Variants in DST observed in about 807,000 individuals in gnomAD.
DST encodes dystonin, also known as bullous pemphigoid antigen.
DST carries 253 observed loss-of-function variants against 875.2 expected under a neutral mutation model. The ratio of observed to expected loss-of-function variants is 0.29; its 90% CI spans 0.26 to 0.32. The LOEUF is 0.32. Ranked by LOEUF, DST falls within the 10% of genes least tolerant of loss-of-function variation. The pLI is 1.00. For missense variants in DST, 8,287 were observed against 9,111.6 expected (o/e 0.91, Z 3.68); for synonymous variants, 3,124 against 3,197.1 (o/e 0.98, Z 0.77).
intron 4 of DST, among the ~76,000 whole-genome samples, chr6:56,826,911 C>G (rs1008928787): frequency 3.3e-5 from 5 of 152,184 alleles, no homozygotes; most frequent in Non-Finnish European, 7.4e-5. Context: ...AAAAGCAGTG[C>G]ACGAGAGCAC....
Position 56,493,059 on chromosome 6 carries a change from T to C in DST, c.20425A>G (p.Met6809Val), listed in dbSNP as rs748600276. The C allele has an allele frequency of 5.6e-6, 9 of 1,612,170 alleles. No homozygotes were observed. Among genetic ancestry groups the C allele is most frequent in the East Asian group, 2.2e-5 (1 of 44,848 alleles). The change falls in exon 84 of 104, where the codon ATG (methionine) becomes GTG (valine). Residue 6809 changes from methionine (M) to valine (V), a missense_variant. Met to Val is a conservative substitution (Grantham distance 21). Transcript: ENST00000680361. The stretch of plus-strand genomic sequence containing the variant: ...TCTTGGAGAGAATTGTGGAACTCCA[T>C]TGCCAAGTTGAGAGCCTCTTCCAGT... ...TKLEEALNLA[M>V]EFHNSLQDFI...
intron 4 of DST, among the ~76,000 whole-genome samples, chr6:56,828,849 AC>A (rs1270032393): frequency 2.0e-5 from 3 of 152,188 alleles, no homozygotes; most frequent in Admixed American, 1.3e-4. Context: ...ATAGTTCTGT[AC>A]CCTATATTAT....
chr6:56,807,161 C>G (rs918700428), intron 4 of DST, among the ~76,000 whole-genome samples: 2 of 152,168 alleles, frequency 1.3e-5, no homozygotes, highest in African/African-American at 4.8e-5. Context: ...AGCAGTCCCC[C>G]CATGTCAGCC....
At chr6:56,875,631 T>C (rs749080008) in intron 3 of DST, among the ~76,000 whole-genome samples, 12 of 152,142 alleles carry the variant, frequency 7.9e-5, no homozygotes, top group Non-Finnish European at 1.3e-4. Flanking sequence ...TCATGGACCC[T>C]AAGGACAGAC....
rs149475954 is a variant in DST, at chr6:56,631,962, T to C, written c.3884A>G (p.Asp1295Gly). 1.2e-6 allele frequency: 2 copies of C among 1,613,602 alleles called. No individual in the cohort carries two copies. Among genetic ancestry groups the C allele is most frequent in the African/African-American group, 2.7e-5 (2 of 74,920 alleles). ...NIRLRLENCE[D>G]RLIRQIRTPL... is the part of the protein sequence containing the mutation. ...AGTTCGAATCTGTCTAATCAGCCGA[T>C]CTTCACAGTTCTCTAACCGAAGTCT... Residue 1295 changes from aspartate (D) to glycine (G), a missense_variant, in exon 29 of 104, where the codon GAT becomes GGT. Coordinates refer to ENST00000680361, the MANE Select transcript of DST (RefSeq NM_001374736.1).
chr6:56,586,061 AT>A (rs2098140993), intron 49 of DST, among the ~76,000 whole-genome samples: 1 of 152,148 alleles, frequency 6.6e-6, no homozygotes, highest in Non-Finnish European at 1.5e-5. Flanking sequence ...CTGAAAAAAA[AT>A]GTATATTCTG....
intron 3 of DST, among the ~76,000 whole-genome samples, chr6:56,873,026 A>G (rs1778086069): frequency 6.6e-6 from 1 of 152,144 alleles, no homozygotes; most frequent in African/African-American, 2.4e-5. Flanking sequence ...TCTTTTTGAT[A>G]ACAGACATTT....
intron 3 of DST, among the ~76,000 whole-genome samples, chr6:56,872,820 A>AT (rs769018266): frequency 3.3e-5 from 4 of 122,650 alleles, no homozygotes; most frequent in Non-Finnish European, 6.5e-5. Context: ...CAATACACTG[A>AT]TTCCCCCCCC....
At chr6:56,646,213 C>G (rs987938760) in intron 13 of DST, 31 bp from the exon 14 acceptor site, 3 of 1,255,026 alleles carry the variant, frequency 2.4e-6, no homozygotes, top group Middle Eastern at 2.3e-4. Flanking sequence ...AATTAAGGAC[C>G]AAACTTAAAA....
At chr6:56,670,153 TGTGTG>T in intron 10 of DST, among the ~76,000 whole-genome samples, 1 of 151,894 alleles carries the variant, frequency 6.6e-6, no homozygotes, top group South Asian at 2.1e-4. Flanking sequence ...TGTGTGTGTG[TGTGTG>T]TGTGTGTGTG....
intron 60 of DST, among the ~76,000 whole-genome samples, chr6:56,554,285 C>T (rs1049471755): frequency 5.3e-5 from 8 of 151,780 alleles, no homozygotes; most frequent in African/African-American, 7.3e-5. Flanking sequence ...AGGGTTTCAC[C>T]GTGTTAGCCA....
chr6:56,581,839 C>T (rs746721240), intron 49 of DST, among the ~76,000 whole-genome samples: 1 of 152,192 alleles, frequency 6.6e-6, no homozygotes, highest in Non-Finnish European at 1.5e-5. Flanking sequence ...CTCAAAAAAG[C>T]TGAATCTGAA....
At chr6:56,522,896 C>G (rs748484344) in intron 69 of DST, among the ~76,000 whole-genome samples, 1 of 152,088 alleles carries the variant, frequency 6.6e-6, no homozygotes, top group African/African-American at 2.4e-5. Context: ...ATTCAGAACC[C>G]AAGTCTGTAC....
rs542509926 is a variant in DST at position 56,727,141 on chromosome 6, T to C, written c.687+8087A>G. Among the ~76,000 whole-genome samples the C allele has an allele frequency of 6.0e-4, 92 of 152,322 alleles. 1 individual carries two copies. The highest frequency in any genetic ancestry group is 1.1e-3 in the Non-Finnish European group (73 of 68,022). ...GATAAATGCATATCTCATTGCCTCC[T>C]TTGGAAAGGCTAATCAGAACTCAAA... On this transcript the variant is annotated intron_variant, in intron 5 of 103. Transcript: ENST00000680361.
chr6:56,586,608 C>A (rs2098155958), intron 49 of DST, among the ~76,000 whole-genome samples: 1 of 152,136 alleles, frequency 6.6e-6, no homozygotes, highest in African/African-American at 2.4e-5. Flanking sequence ...ATTGCCTCCT[C>A]AAGTGGGTCC....
intron 4 of DST, among the ~76,000 whole-genome samples, chr6:56,789,746 T>G (rs1024026162): frequency 6.6e-6 from 1 of 152,234 alleles, no homozygotes; most frequent in Non-Finnish European, 1.5e-5. Context: ...CATTATGTCC[T>G]CAAGGTTCAT....
At chr6:56,650,730 A>C (rs1401519442) in intron 12 of DST, among the ~76,000 whole-genome samples, 196 bp downstream of exon 12, 2 of 152,254 alleles carry the variant, frequency 1.3e-5, no homozygotes, top group Non-Finnish European at 2.9e-5. Flanking sequence ...CAAAAGTTTT[A>C]ATGAGTTATA....
chr6:56,783,794 T>C (rs930704605), intron 4 of DST, among the ~76,000 whole-genome samples: 5 of 152,222 alleles, frequency 3.3e-5, no homozygotes, highest in African/African-American at 1.2e-4. Flanking sequence ...TTTTGCTCGT[T>C]AGTTGATGCA....
intron 4 of DST, among the ~76,000 whole-genome samples, chr6:56,788,190 C>T (rs2099709115): frequency 7.1e-6 from 1 of 141,654 alleles, no homozygotes; most frequent in African/African-American, 2.6e-5. Flanking sequence ...TAGCAAGTAT[C>T]GAAAGTATTA....
Sources: allele counts gnomAD v4.1 joint callset (sites outside exome capture counted in the v4.1 genomes callset), GRCh38; gene constraint gnomAD v4.1.1; transcripts MANE v1.5; gene names NCBI Gene and HGNC (gene_info 2026-07-23, HGNC 2026-07-21).